The following PMS1 variants were observed in gnomAD, a reference collection of about 807,000 sequenced individuals.
PMS1 encodes the protein PMS1 protein homolog 1.
PMS1 carries 79 observed loss-of-function variants against 93.1 expected under a neutral mutation model. That is an observed-to-expected ratio of 0.85 (90% CI 0.71 to 1.02). The LOEUF (loss-of-function observed/expected upper bound fraction) is 1.02. PMS1 is among the 50% of genes least tolerant of loss of function. PMS1 has a pLI of 0.00. For synonymous variants in PMS1, 335 were observed against 363.4 expected (o/e 0.92, Z 0.89); for missense variants, 1,064 against 1,085.3 (o/e 0.98, Z 0.28).
chr2:189,828,328 A>C (rs938879059), intron 5 of PMS1, among the ~76,000 whole-genome samples: 1 of 152,226 alleles, frequency 6.6e-6, no homozygotes, highest in Non-Finnish European at 1.5e-5. Context: ...GAATGTTGTC[A>C]TCACAAAGAA....
intron 7 of PMS1, 142 bp downstream of exon 7, chr2:189,852,919 T>G: frequency 4.6e-6 from 3 of 650,924 alleles, no homozygotes; most frequent in Non-Finnish European, 8.2e-6. Context: ...TAGAAAGACA[T>G]ATGATGTCTC....
chr2:189,827,790 A>G (rs554169882), intron 5 of PMS1, among the ~76,000 whole-genome samples: 1 of 152,284 alleles, frequency 6.6e-6, no homozygotes, highest in Non-Finnish European at 1.5e-5. Context: ...GGAATCTAAG[A>G]AAGTTGATTT....
At chr2:189,788,611 T>C (rs1394127112) in intron 1 of PMS1, among the ~76,000 whole-genome samples, 1 of 152,234 alleles carries the variant, frequency 6.6e-6, no homozygotes, top group East Asian at 1.9e-4. Context: ...ATCTATCATT[T>C]TAAATTTTCT....
intron 4 of PMS1, 92 bp downstream of exon 4, chr2:189,805,846 T>C (rs746502679): frequency 2.5e-6 from 4 of 1,568,946 alleles, no homozygotes; most frequent in African/African-American, 1.4e-5. Flanking sequence ...AATACAAATA[T>C]ATTGCTTTGG....
chr2:189,859,674 T>C (rs1409076935), intron 9 of PMS1, among the ~76,000 whole-genome samples: 1 of 152,008 alleles, frequency 6.6e-6, no homozygotes, highest in Admixed American at 6.6e-5. Context: ...CCAGTGTAAT[T>C]TTTTTTTATT....
intron 6 of PMS1, 97 bp from the exon 7 acceptor site, chr2:189,852,556 ATC>A: frequency 9.8e-7 from 1 of 1,025,480 alleles, no homozygotes; most frequent in African/African-American, 1.6e-5. Flanking sequence ...TAAGATGAAA[ATC>A]TGTTTTTTAA....
intron 11 of PMS1, 142 bp from the exon 12 acceptor site, chr2:189,873,354 T>C (rs1358673753): frequency 1.6e-6 from 1 of 611,216 alleles, no homozygotes; most frequent in South Asian, 1.9e-5. Context: ...CTATTTGTTC[T>C]CCAACTAAGG....
At chr2:189,796,509 G>C (rs1575044457) in intron 3 of PMS1, among the ~76,000 whole-genome samples, 1 of 151,966 alleles carries the variant, frequency 6.6e-6, no homozygotes, top group Non-Finnish European at 1.5e-5. Context: ...TTCAAACTCT[G>C]TACCCATTAA....
At chr2:189,856,757 A>G (rs1221394345) in intron 9 of PMS1, among the ~76,000 whole-genome samples, 2 of 152,160 alleles carry the variant, frequency 1.3e-5, no homozygotes, top group Non-Finnish European at 2.9e-5. Flanking sequence ...ATGGAAACTT[A>G]TCTTGCTGAC....
At chr2:189,791,767 C>T (rs765411768) in intron 1 of PMS1, 23 bp from the exon 2 acceptor site, 1 of 1,597,128 alleles carries the variant, frequency 6.3e-7, no homozygotes, top group East Asian at 2.2e-5. Context: ...ACAATTCTTA[C>T]AAGTTGCATT....
chr2:189,796,971 A>G (rs565719854), intron 3 of PMS1, among the ~76,000 whole-genome samples: 1 of 152,358 alleles, frequency 6.6e-6, no homozygotes, highest in South Asian at 2.1e-4. Flanking sequence ...GCATTTAAAA[A>G]TTGTATTAAG....
intron 5 of PMS1, among the ~76,000 whole-genome samples, chr2:189,824,167 G>GT (rs1186646881): frequency 2.0e-5 from 3 of 152,142 alleles, no homozygotes; most frequent in Middle Eastern, 3.4e-3. Flanking sequence ...CAGCATATGT[G>GT]TTTCTACCTT....
chr2:189,807,432 C>T (rs1014808962), intron 4 of PMS1, among the ~76,000 whole-genome samples: 3 of 152,202 alleles, frequency 2.0e-5, no homozygotes, highest in Non-Finnish European at 4.4e-5. Context: ...TAGAAATACT[C>T]TGACCCCAGT....
At chr2:189,824,459 A>G (rs1302580269) in intron 5 of PMS1, among the ~76,000 whole-genome samples, 2 of 151,986 alleles carry the variant, frequency 1.3e-5, no homozygotes, top group African/African-American at 4.8e-5. Context: ...TTTGCATTCC[A>G]TGTTACATTA....
intron 2 of PMS1, among the ~76,000 whole-genome samples, chr2:189,794,375 A>G (rs1208859316): frequency 2.6e-5 from 4 of 152,206 alleles, no homozygotes; most frequent in African/African-American, 9.7e-5. Flanking sequence ...TTGGCCTCCC[A>G]AAGTGCTGCA....
intron 5 of PMS1, among the ~76,000 whole-genome samples, chr2:189,825,965 A>G (rs1181615378): frequency 6.6e-6 from 1 of 152,226 alleles, no homozygotes; most frequent in Non-Finnish European, 1.5e-5. Flanking sequence ...TTAACCAGGA[A>G]CAGAGACCCA....
At chr2:189,835,768 G>A (rs1233245) in intron 5 of PMS1, among the ~76,000 whole-genome samples, 57,375 of 151,562 alleles carry the variant, frequency 0.38, 13,109 homozygotes, top group African/African-American at 0.65. Context: ...TCTTCAAAAC[G>A]TACAAAAAAA....
chr2:189,819,226 T>C (rs1232342445), intron 5 of PMS1, among the ~76,000 whole-genome samples: 5 of 152,218 alleles, frequency 3.3e-5, no homozygotes, highest in South Asian at 2.1e-4. Flanking sequence ...TTTCATTCTT[T>C]TTTATGGTTG....
At chr2:189,868,308 A>G (rs2056844445) in intron 11 of PMS1, among the ~76,000 whole-genome samples, 1 of 152,240 alleles carries the variant, frequency 6.6e-6, no homozygotes, top group African/African-American at 2.4e-5. Context: ...TTGCTTTTCA[A>G]AAAACATTTG....
Sources: gnomAD v4.1 joint callset for allele counts (sites outside exome capture counted in the v4.1 genomes callset) on GRCh38, gnomAD v4.1.1 for gene constraint, MANE v1.5 for transcripts, NCBI Gene and HGNC (gene_info 2026-07-23, HGNC 2026-07-21) for gene names.